Variants in SPEN observed in about 807,000 individuals in gnomAD.
The protein encoded by SPEN is spen family transcriptional repressor, also known as msx2-interacting protein.
Under a neutral mutation model 269.9 loss-of-function variants are expected in SPEN, and 18 were observed. That is an observed-to-expected ratio of 0.07 (90% CI 0.05 to 0.10). The LOEUF is 0.10. Ranked by LOEUF, SPEN falls within the 10% of genes least tolerant of loss-of-function variation. The pLI is 1.00. For missense variants in SPEN, 3,822 were observed against 4,631.2 expected (o/e 0.83, Z 5.07); for synonymous variants, 1,726 against 1,765.7 (o/e 0.98, Z 0.56).
At chr1:15,874,525 C>A in intron 2 of SPEN, 1 of 590,676 alleles carries the variant, frequency 1.7e-6, no homozygotes. Context: ...GATTTCAGCT[C>A]TGCTAGCTCT....
rs891086892 is a variant in SPEN, at chr1:15,940,255, G to A, written c.*828G>A. The A allele has an allele frequency of 2.1e-5, 5 of 232,672 alleles. No homozygotes were observed. The highest frequency in any genetic ancestry group is 4.2e-5 in the Non-Finnish European group (5 of 117,706). The allele number at this position is 232,672 out of a possible 1,614,324, so 14.4% of individuals were successfully genotyped here. A position where few individuals can be genotyped will look rare whatever the true frequency, so the allele number is the denominator to read the frequency against. On this transcript the variant is annotated 3_prime_UTR_variant, in exon 15 of 15. Transcript: ENST00000375759. The stretch of plus-strand genomic sequence containing the variant: ...CCACTCATTTGTATAAGTGCGCTTC[G>A]GTACAGCACGGGTCCTGCTCCCGCG...
chr1:15,937,730 ACAAG>A lies in SPEN; in HGVS notation c.10510-80_10510-77del. On this transcript the variant is annotated intron_variant, in intron 12 of 14. Coordinates refer to ENST00000375759, the MANE Select transcript of SPEN (RefSeq NM_015001.3). The surrounding 1 kb of genome is among the most constrained non-coding windows in gnomAD (Gnocchi z 5.7). ...CTAAGATTCCCTAGTTAACAGACCC[ACAAG>A]CTACAGCCTCTGGCTGTGTCCAGCA... is the stretch of plus-strand genomic sequence containing the variant. 6.2e-7 allele frequency: 1 copy of A among 1,606,564 alleles called. No homozygotes were observed. Among genetic ancestry groups the A allele is most frequent in the South Asian group, 1.1e-5 (1 of 90,742 alleles).
intron 1 of SPEN, among the ~76,000 whole-genome samples, chr1:15,853,787 G>C (rs1368128266): frequency 2.6e-5 from 4 of 152,016 alleles, no homozygotes; most frequent in Non-Finnish European, 5.9e-5. Flanking sequence ...TCCCGCTTTA[G>C]CCTCCCGAGT....
chr1:15,905,316 G>A (rs1570031560), intron 3 of SPEN, among the ~76,000 whole-genome samples: 1 of 151,786 alleles, frequency 6.6e-6, no homozygotes, highest in African/African-American at 2.4e-5. Flanking sequence ...CCGCCTCCCG[G>A]GTTCAAGCGA....
chr1:15,937,928 A>G lies in SPEN; in HGVS notation c.10626A>G (p.Glu3542=). The change falls in exon 13 of 15, where the codon GAA becomes GAG. Residue 3542 remains glutamate, a synonymous_variant. Transcript: ENST00000375759. This position sits in a 1 kb window ranked among gnomAD's most constrained non-coding sequence, Gnocchi z 5.7. ...CCCATCGGTCCCTGCCCCTTTCTGA[A>G]GGAGGGCCCCCACTAAGGATCGCCC... ...VLAHRSLPLS[E]GGPPLRIAQR... 1 of 1,614,138 alleles carries G rather than the reference A, an allele frequency of 6.2e-7. No individual in the cohort carries two copies. The highest frequency in any genetic ancestry group is 8.5e-7 in the Non-Finnish European group (1 of 1,180,018).
At position 15,933,319 on chromosome 1, in the gene SPEN, A is replaced by G. The variant is rs780060759; in HGVS notation, c.7079A>G (p.Asn2360Ser). The change falls in exon 11 of 15, where the codon AAC becomes AGC. Residue 2360 changes from asparagine (N) to serine (S), a missense_variant. Coordinates refer to ENST00000375759, the MANE Select transcript of SPEN (RefSeq NM_015001.3). The surrounding 1 kb of genome is among the most constrained non-coding windows in gnomAD (Gnocchi z 5.7). ...APVESHVPESNQAQGESPAAN... is the reference protein window; with the variant it reads ...APVESHVPESSQAQGESPAAN... The stretch of plus-strand genomic sequence containing the variant: ...GTAGAGAGCCATGTCCCTGAATCCA[A>G]CCAAGCTCAAGGTGAGAGTCCTGCT... The G allele has an allele frequency of 2.2e-5, 35 of 1,613,956 alleles. No homozygotes were observed. In the South Asian group the frequency reaches 3.7e-4, roughly 17 times the overall value.
chr1:15,911,338 A>C, intron 5 of SPEN, 37 bp downstream of exon 5: 1 of 1,559,374 alleles, frequency 6.4e-7, no homozygotes, highest in South Asian at 1.1e-5. Context: ...GTTACTCATC[A>C]CACACACTGT....
chr1:15,897,672 A>AT (rs2070856088), intron 3 of SPEN, among the ~76,000 whole-genome samples: 1 of 150,570 alleles, frequency 6.6e-6, no homozygotes, highest in Non-Finnish European at 1.5e-5. Context: ...TAATTTTTGT[A>AT]TTTTTTAGTA....
rs774542758 is a variant in SPEN at position 15,872,928 on chromosome 1, G to C, written c.196G>C (p.Val66Leu). Residue 66 changes from valine (V) to leucine (L), a missense_variant, in exon 2 of 15, where the codon GTC becomes CTC. Val to Leu is a conservative substitution (Grantham distance 32). Around this residue, in one of 16 missense-constraint regions of SPEN, gnomAD observed 327 missense variants for 350.8 expected, o/e 0.93. Coordinates refer to ENST00000375759, the MANE Select transcript of SPEN (RefSeq NM_015001.3). The part of the protein sequence containing the change: ...IKSAQKAHNS[V>L]NKMGDRDLRT... ...AAGTGCACAGAAAGCTCACAACTCGGTCAACAAAATGGGTGACAGAGACCT... is the reference window on the plus strand; with the variant it reads ...AAGTGCACAGAAAGCTCACAACTCGCTCAACAAAATGGGTGACAGAGACCT... 2 of 1,607,248 alleles carry C rather than the reference G, an allele frequency of 1.2e-6. No individual in the cohort carries two copies. Among genetic ancestry groups the C allele is most frequent in the South Asian group, 2.2e-5 (2 of 90,872 alleles).
intron 1 of SPEN, among the ~76,000 whole-genome samples, chr1:15,851,804 A>G (rs1486988449): frequency 2.0e-5 from 3 of 152,158 alleles, no homozygotes; most frequent in Admixed American, 1.3e-4. Flanking sequence ...TGAACATGGT[A>G]AAACCCCGTC....
At chr1:15,917,701 A>G (rs553070190) in intron 6 of SPEN, 2 of 153,434 alleles carry the variant, frequency 1.3e-5, no homozygotes, top group South Asian at 2.1e-4. Flanking sequence ...GGGAGATAAC[A>G]TTTTGTAAGA....
At position 15,931,837 on chromosome 1, in the gene SPEN, T is replaced by C. The variant is rs1302081627; in HGVS notation, c.5597T>C (p.Leu1866Ser). The change falls in exon 11 of 15, where the codon TTG (leucine) becomes TCG (serine). Residue 1866 changes from leucine to serine, a missense_variant. This residue lies in a region of SPEN where 533 missense variants were observed against 618.8 expected (regional missense o/e 0.86). Coordinates refer to ENST00000375759, the MANE Select transcript of SPEN (RefSeq NM_015001.3). The surrounding 1 kb of genome is among the most constrained non-coding windows in gnomAD (Gnocchi z 4.8). ...NSPRGEAQKL[L>S]ELKMEAEKIT... Reference sequence around the variant, plus strand: ...CCTCGGGGAGAAGCACAGAAGCTTTTGGAATTGAAGATGGAGGCAGAGAAG... The same window carrying C: ...CCTCGGGGAGAAGCACAGAAGCTTTCGGAATTGAAGATGGAGGCAGAGAAG... The C allele has an allele frequency of 6.2e-7, 1 of 1,614,190 alleles. No homozygotes were observed.
chr1:15,899,544 T>C (rs1044195889), intron 3 of SPEN, among the ~76,000 whole-genome samples: 1 of 147,636 alleles, frequency 6.8e-6, no homozygotes, highest in African/African-American at 2.5e-5. Flanking sequence ...AGAGTTTTTT[T>C]TTTTTTTTTT....
At chr1:15,874,382 C>T (rs2070611287) in intron 2 of SPEN, 1 of 1,364,554 alleles carries the variant, frequency 7.3e-7, no homozygotes, top group South Asian at 1.1e-5. Flanking sequence ...GTCGTGTTTC[C>T]ACACTTGGAA....
Position 15,876,247 on chromosome 1 carries a change from A to T in SPEN, c.450A>T (p.Gly150=). 6.2e-7 allele frequency: 1 copy of T among 1,614,112 alleles called. No individual in the cohort carries two copies. The highest frequency in any genetic ancestry group is 1.1e-5 in the South Asian group (1 of 91,070). The change falls in exon 3 of 15, where the codon GGA becomes GGT. Residue 150 remains glycine (G), a synonymous_variant. Coordinates refer to ENST00000375759, the MANE Select transcript of SPEN (RefSeq NM_015001.3). ...RERAYEHSAY[G]HHERGTGGFD... ...GTGCTTATGAACATAGTGCCTATGG[A>T]CACCATGAACGGGGGACGGGAGGAT...
At position 15,876,576 on chromosome 1, in the gene SPEN, G is replaced by T; in HGVS notation, c.779G>T (p.Ser260Ile). Residue 260 changes from serine to isoleucine, a missense_variant, in exon 3 of 15, where the codon AGC becomes ATC. This residue lies in a region of SPEN where 327 missense variants were observed against 350.8 expected (regional missense o/e 0.93). Transcript: ENST00000375759. ...AATCAGTCTCCTCAGAGACTGGCTA[G>T]CCAAGCATCTAGACCCACAAGGTCC... Reference protein sequence around the residue: ...SRNQSPQRLASQASRPTRSPS... With the variant: ...SRNQSPQRLAIQASRPTRSPS... The T allele has an allele frequency of 6.2e-7, 1 of 1,604,696 alleles. No homozygotes were observed. Among genetic ancestry groups the T allele is most frequent in the Non-Finnish European group, 8.5e-7 (1 of 1,177,244 alleles).
At position 15,933,233 on chromosome 1, in the gene SPEN, G is replaced by T. The variant is rs2071239805; in HGVS notation, c.6993G>T (p.Gly2331=). The T allele has an allele frequency of 3.7e-6, 6 of 1,614,142 alleles. No homozygotes were observed. The highest frequency in any genetic ancestry group is 1.3e-5 in the African/African-American group (1 of 75,036). The change falls in exon 11 of 15, where the codon GGG becomes GGT. Residue 2331 remains glycine (G), a synonymous_variant. Coordinates refer to ENST00000375759, the MANE Select transcript of SPEN (RefSeq NM_015001.3). This position sits in a 1 kb window ranked among gnomAD's most constrained non-coding sequence, Gnocchi z 5.7. ...TCACTCTTGTTCGGAAAGACAAAGG[G>T]CGCCAGAAAACAACCCGATCACGCC... The part of the protein sequence containing the change: ...VEVTLVRKDK[G]RQKTTRSRRK...
At chr1:15,874,467 A>G in intron 2 of SPEN, 2 of 1,172,616 alleles carry the variant, frequency 1.7e-6, no homozygotes, top group East Asian at 4.8e-5. Context: ...TTTCCCCACT[A>G]ACTCTAGAAG....
chr1:15,929,867 C>T lies in SPEN; in HGVS notation c.3627C>T (p.His1209=), dbSNP rs775297686. The change falls in exon 11 of 15, where the codon CAC becomes CAT. Residue 1209 remains histidine (H), a synonymous_variant. Coordinates refer to ENST00000375759, the MANE Select transcript of SPEN (RefSeq NM_015001.3). This position sits in a 1 kb window ranked among gnomAD's most constrained non-coding sequence, Gnocchi z 5.8. ...VDEYERRSLV[H]EVGKPPQDVT... The stretch of plus-strand genomic sequence containing the variant: ...AATATGAAAGACGTAGCCTCGTTCA[C>T]GAGGTAGGCAAACCCCCTCAAGATG... 2.9e-5 allele frequency: 46 copies of T among 1,614,008 alleles called. No individual in the cohort carries two copies. Among genetic ancestry groups the T allele is most frequent in the Non-Finnish European group, 3.6e-5 (42 of 1,180,026 alleles).
Sources: gnomAD v4.1 joint callset for allele counts (sites outside exome capture counted in the v4.1 genomes callset) on GRCh38, gnomAD v4.1.1 for gene constraint, gnomAD v4.1.1 regional missense constraint, Gnocchi (gnomAD v3.1) non-coding constraint, MANE v1.5 for transcripts, NCBI Gene and HGNC (gene_info 2026-07-23, HGNC 2026-07-21) for gene names.